The following PDZD2 variants were observed in gnomAD, a reference collection of about 807,000 sequenced individuals.
PDZD2 encodes PDZ domain-containing protein 2.
Under a neutral mutation model 220.7 loss-of-function variants are expected in PDZD2, and 90 were observed. That is an observed-to-expected ratio of 0.41 (90% CI 0.34 to 0.49). PDZD2 has a LOEUF of 0.49. Among genes scored for constraint, PDZD2 ranks in the 20% least tolerant of loss-of-function variants. The pLI is 0.28. For missense variants in PDZD2, 3,174 were observed against 3,608.5 expected, an observed-to-expected ratio of 0.88 and a Z score of 3.08; for synonymous variants, 1,375 against 1,450.5, an observed-to-expected ratio of 0.95 and a Z score of 1.18.
intron 1 of PDZD2, among the ~76,000 whole-genome samples, chr5:31,773,306 A>G (rs1038656068): frequency 6.6e-6 from 1 of 152,168 alleles, no homozygotes; most frequent in Non-Finnish European, 1.5e-5. Context: ...CATTCTAACT[A>G]TTCAGCAAGA....
chr5:31,788,452 T>G (rs971273749), intron 1 of PDZD2, among the ~76,000 whole-genome samples: 1 of 152,134 alleles, frequency 6.6e-6, no homozygotes, highest in Admixed American at 6.5e-5. Flanking sequence ...GATCACGAGT[T>G]CAGGAGATCG....
intron 2 of PDZD2, among the ~76,000 whole-genome samples, chr5:31,959,133 A>T (rs950711393): frequency 6.6e-6 from 1 of 150,786 alleles, no homozygotes. Flanking sequence ...GGGTTTCACC[A>T]TATTGGCCAG....
chr5:32,039,570 G>T (rs989732040), intron 7 of PDZD2, among the ~76,000 whole-genome samples: 1 of 151,594 alleles, frequency 6.6e-6, no homozygotes, highest in Admixed American at 6.6e-5. Flanking sequence ...GCCACCCATC[G>T]TCTGGGATGT....
intron 2 of PDZD2, among the ~76,000 whole-genome samples, chr5:31,846,759 T>G (rs905384045): frequency 6.6e-6 from 1 of 152,186 alleles, no homozygotes; most frequent in African/African-American, 2.4e-5. Flanking sequence ...CTTGTGTTTG[T>G]GGAGAGCTGG....
chr5:31,900,237 G>A (rs186194903), intron 2 of PDZD2, among the ~76,000 whole-genome samples: 4 of 152,326 alleles, frequency 2.6e-5, no homozygotes. Context: ...GTAGCGCTGT[G>A]TACCAGCTTT....
At chr5:32,067,843 G>A (rs922640888) in intron 14 of PDZD2, among the ~76,000 whole-genome samples, 3 of 152,060 alleles carry the variant, frequency 2.0e-5, no homozygotes, top group African/African-American at 7.2e-5. Flanking sequence ...AATATAGAAG[G>A]AATAGAAAAC....
At position 32,041,602 on chromosome 5, in the gene PDZD2, G is replaced by A. The variant is rs182937922; in HGVS notation, c.1519+4260G>A. Among the ~76,000 whole-genome samples, 249 of 152,174 alleles carry A rather than the reference G, an allele frequency of 1.6e-3. 3 individuals carry two copies. The highest frequency in any genetic ancestry group is 5.7e-3 in the African/African-American group (237 of 41,512). Reference sequence around the variant, plus strand: ...CTCAGGGTTAAATGGATTAAGGGCGGTGCAAGATGTGCTTTGTTGTTAAAC... The same window carrying A: ...CTCAGGGTTAAATGGATTAAGGGCGATGCAAGATGTGCTTTGTTGTTAAAC... On this transcript the variant is annotated intron_variant, in intron 7 of 24. Transcript: ENST00000438447.
chr5:31,784,832 G>A (rs10041749), intron 1 of PDZD2, among the ~76,000 whole-genome samples: 2,876 of 152,156 alleles, frequency 0.019, 80 homozygotes, highest in African/African-American at 0.062. Context: ...GCTTGAACCC[G>A]GGAGGTGGAG....
At chr5:31,741,509 G>A (rs958581936) in intron 1 of PDZD2, among the ~76,000 whole-genome samples, 1 of 152,020 alleles carries the variant, frequency 6.6e-6, no homozygotes, top group African/African-American at 2.4e-5. Flanking sequence ...ACAAGGGACT[G>A]GACTCTAGTA....
rs1028890822 is a variant in PDZD2, at chr5:31,646,072, C to T, written c.-361+6635C>T. ...GGGGGGCCTTCTCACTACTGTCACT[C>T]CTAGGGAGATCTCAGGATACCTAGG... On this transcript the variant is annotated intron_variant, in intron 1 of 24. Coordinates refer to ENST00000438447, the MANE Select transcript of PDZD2 (RefSeq NM_178140.4). The surrounding 1 kb of genome is among the most constrained non-coding windows in gnomAD (Gnocchi z 4.7). Among the ~76,000 whole-genome samples, 2 of 152,050 alleles carry T rather than the reference C, an allele frequency of 1.3e-5. No individual in the cohort carries two copies. The highest frequency in any genetic ancestry group is 2.9e-5 in the Non-Finnish European group (2 of 68,008).
intron 2 of PDZD2, among the ~76,000 whole-genome samples, chr5:31,838,842 C>T (rs68168980): frequency 0.093 from 14,117 of 152,300 alleles, 822 homozygotes; most frequent in Non-Finnish European, 0.13. Flanking sequence ...ACATTCTGGA[C>T]ACCTGGCTTA....
intron 1 of PDZD2, among the ~76,000 whole-genome samples, chr5:31,707,823 T>A (rs1747899139): frequency 6.6e-6 from 1 of 152,122 alleles, no homozygotes; most frequent in African/African-American, 2.4e-5. Context: ...GACAAGAGTT[T>A]CCCTATGTTG....
intron 1 of PDZD2, among the ~76,000 whole-genome samples, chr5:31,750,971 G>A (rs746984193): frequency 5.3e-5 from 8 of 152,138 alleles, no homozygotes; most frequent in Non-Finnish European, 7.3e-5. Context: ...GGCCAGGCAC[G>A]GTGGCTCATA....
intron 1 of PDZD2, among the ~76,000 whole-genome samples, chr5:31,699,074 G>C (rs911285385): frequency 6.6e-6 from 1 of 152,128 alleles, no homozygotes; most frequent in Non-Finnish European, 1.5e-5. Flanking sequence ...TTTGTAATAC[G>C]CTGCAAGCCC....
At chr5:31,975,435 T>C (rs1338764169) in intron 2 of PDZD2, among the ~76,000 whole-genome samples, 5 of 152,190 alleles carry the variant, frequency 3.3e-5, no homozygotes, top group Non-Finnish European at 7.3e-5. Flanking sequence ...CCATGACATG[T>C]GGCAATTATG....
At chr5:31,826,650 CG>C (rs1242672716) in intron 2 of PDZD2, among the ~76,000 whole-genome samples, 2 of 149,184 alleles carry the variant, frequency 1.3e-5, no homozygotes, top group East Asian at 2.0e-4. Flanking sequence ...CACTCCAGCC[CG>C]GGTGACAGAA....
At chr5:31,908,415 G>A (rs1742873772) in intron 2 of PDZD2, 2 of 521,292 alleles carry the variant, frequency 3.8e-6, no homozygotes, top group Non-Finnish European at 7.0e-6. Flanking sequence ...ACGAGATCCG[G>A]GAGATCTCAG....
chr5:31,915,272 G>A (rs111363128), intron 2 of PDZD2, among the ~76,000 whole-genome samples: 252 of 151,890 alleles, frequency 1.7e-3, no homozygotes, highest in Middle Eastern at 6.8e-3. Context: ...TGATGAGCCC[G>A]TGGCATCTAC....
Position 31,682,852 on chromosome 5 carries a change from C to G in PDZD2, c.-361+43415C>G, listed in dbSNP as rs77088264. Among the ~76,000 whole-genome samples, 1,312 of 152,186 alleles carry G rather than the reference C, an allele frequency of 8.6e-3. 14 individuals carry two copies. Among genetic ancestry groups the G allele is most frequent in the Non-Finnish European group, 0.012 (803 of 68,008 alleles). The stretch of plus-strand genomic sequence containing the variant: ...TACCTTTTGTATCCTCCACCCCTCC[C>G]TTTCCCCTGACTTTCCAGCCATAAG... On this transcript the variant is annotated intron_variant, in intron 1 of 24. Transcript: ENST00000438447.
Sources: gnomAD v4.1 joint callset for allele counts (sites outside exome capture counted in the v4.1 genomes callset) on GRCh38, gnomAD v4.1.1 for gene constraint, Gnocchi (gnomAD v3.1) non-coding constraint, MANE v1.5 for transcripts, NCBI Gene and HGNC (gene_info 2026-07-23, HGNC 2026-07-21) for gene names.